The following CLCC1 variants were observed in gnomAD, a reference collection of about 807,000 sequenced individuals.
CLCC1 encodes the protein chloride channel CLIC-like protein 1.
CLCC1 carries 39 observed loss-of-function variants against 63.3 expected under a neutral mutation model. The ratio of observed to expected loss-of-function variants is 0.62; its 90% CI spans 0.48 to 0.81. CLCC1 has a LOEUF of 0.81. CLCC1 is among the 30% of genes least tolerant of loss of function. The probability of loss-of-function intolerance (pLI) is 0.00; values close to 1 mark genes in which losing one functional copy is unlikely to be tolerated. For missense variants in CLCC1, 549 were observed against 669.4 expected, an observed-to-expected ratio of 0.82 and a Z score of 1.98; for synonymous variants, 217 against 239.8, an observed-to-expected ratio of 0.90 and a Z score of 0.88.
Position 108,929,841 on chromosome 1 carries a change from A to C in CLCC1, c.*2706T>G, listed in dbSNP as rs777713306. ...ATGAACAGAGAGTTCTTTTACAAAG[A>C]GATCAAAACAGAGACACTGACTTTG... is the stretch of plus-strand genomic sequence containing the variant. On this transcript the variant is annotated 3_prime_UTR_variant, in exon 13 of 13. Transcript: ENST00000369969. The C allele has an allele frequency of 1.2e-6, 2 of 1,614,078 alleles. No homozygotes were observed. Among genetic ancestry groups the C allele is most frequent in the Admixed American group, 3.3e-5 (2 of 60,030 alleles).
At chr1:108,944,898 G>A (rs1654344466) in intron 5 of CLCC1, among the ~76,000 whole-genome samples, 1 of 152,182 alleles carries the variant, frequency 6.6e-6, no homozygotes, top group Non-Finnish European at 1.5e-5. Context: ...CAAAGTGCTG[G>A]GATTACAGGC....
In CLCC1 at chr1:108,929,989, C is replaced by CT. The variant is rs770379156; in HGVS notation, c.*2557dup. ...CTTTCAAACACGGTAAGGAAACAAT[C>CT]TATTACTTTTTTCCTTAAAAGGAGA... On this transcript the variant is annotated 3_prime_UTR_variant, in exon 13 of 13. Coordinates refer to ENST00000369969, the MANE Select transcript of CLCC1 (RefSeq NM_001377458.1). 1.3e-6 allele frequency: 2 copies of CT among 1,536,832 alleles called. No homozygotes were observed. Among genetic ancestry groups the CT allele is most frequent in the Non-Finnish European group, 1.8e-6 (2 of 1,115,688 alleles).
intron 6 of CLCC1, 29 bp from the exon 7 acceptor site, chr1:108,943,644 C>T (rs1336063916): frequency 6.2e-7 from 1 of 1,611,370 alleles, no homozygotes; most frequent in Middle Eastern, 1.7e-4. Flanking sequence ...AGAAATCAGC[C>T]ACCAAAAACA....
In CLCC1 at chr1:108,952,122, T is replaced by C. The variant is rs138820264; in HGVS notation, c.-11-1674A>G. ...GGTGGATTATATAGTATGTGATTTATAGCTCAATAAAGTCAATTTAAAAAC... is the reference window on the plus strand; with the variant it reads ...GGTGGATTATATAGTATGTGATTTACAGCTCAATAAAGTCAATTTAAAAAC... On this transcript the variant is annotated intron_variant, in intron 2 of 12. Transcript: ENST00000369969. 5.2e-4 allele frequency among the ~76,000 whole-genome samples: 79 copies of C among 151,880 alleles called. No individual in the cohort carries two copies. The East Asian group carries it at 0.011, about 21-fold the overall frequency.
At chr1:108,944,925 G>A (rs966838259) in intron 5 of CLCC1, among the ~76,000 whole-genome samples, 3 of 152,162 alleles carry the variant, frequency 2.0e-5, no homozygotes, top group Non-Finnish European at 2.9e-5. Context: ...CACTGCACCC[G>A]GCCTCACAGT....
intron 2 of CLCC1, among the ~76,000 whole-genome samples, chr1:108,953,075 T>G (rs961351233): frequency 1.3e-5 from 2 of 152,202 alleles, no homozygotes; most frequent in African/African-American, 4.8e-5. Flanking sequence ...ACAGAACATT[T>G]GAACATTTTT....
intron 4 of CLCC1, 141 bp from the exon 5 acceptor site, chr1:108,947,859 T>C (rs1439153826): frequency 3.3e-6 from 2 of 604,700 alleles, no homozygotes; most frequent in Non-Finnish European, 5.8e-6. Flanking sequence ...CTATAATACA[T>C]TACAGTGCAG....
chr1:108,961,284 T>TAAAAAAAAA (rs5776958), intron 2 of CLCC1, among the ~76,000 whole-genome samples: 2 of 133,948 alleles, frequency 1.5e-5, no homozygotes, highest in East Asian at 2.3e-4. Context: ...AAGAGTTTGT[T>TAAAAAAAAA]AAAAAAAAAA....
chr1:108,949,487 A>AG (rs1654931518), intron 4 of CLCC1, among the ~76,000 whole-genome samples: 1 of 152,230 alleles, frequency 6.6e-6, no homozygotes, highest in South Asian at 2.1e-4. Flanking sequence ...ACATTTGTTG[A>AG]GAGTTTACTA....
chr1:108,931,621 G>T lies in CLCC1; in HGVS notation c.*926C>A. 2.6e-6 allele frequency: 3 copies of T among 1,151,534 alleles called. No individual in the cohort carries two copies. Among genetic ancestry groups the T allele is most frequent in the South Asian group, 4.3e-5 (2 of 46,892 alleles). The allele number at this position is 1,151,534 out of a possible 1,614,324, so 71.3% of individuals were successfully genotyped here. On this transcript the variant is annotated 3_prime_UTR_variant, in exon 13 of 13. Transcript: ENST00000369969. ...TAACCTGGAATTAATTACATTAAGT[G>T]CTCAGCTAAAAAAAAAAAAAAAGTT...
rs994879891 is a variant in CLCC1 at position 108,943,706 on chromosome 1, A to G, written c.562-91T>C. 9.7e-6 allele frequency: 15 copies of G among 1,544,676 alleles called. No homozygotes were observed. In the Admixed American group the frequency reaches 2.2e-4, roughly 23 times the overall value. ...TCAAAAGCACAAAATCATTTCTACA[A>G]TTTTGTGGCTTGTTCATCAATACGG... On this transcript the variant is annotated intron_variant, in intron 6 of 12. Transcript: ENST00000369969.
intron 2 of CLCC1, among the ~76,000 whole-genome samples, chr1:108,958,994 A>G (rs1656284503): frequency 6.6e-6 from 1 of 151,132 alleles, no homozygotes; most frequent in Non-Finnish European, 1.5e-5. Context: ...ACCAACATGG[A>G]GAAATCCCAT....
rs199835606 is a variant in CLCC1, at chr1:108,941,789, G to A, written c.703-291C>T. 2.6e-5 allele frequency among the ~76,000 whole-genome samples: 4 copies of A among 152,092 alleles called. No homozygotes were observed. In the East Asian group the frequency reaches 5.8e-4, roughly 22 times the overall value. On this transcript the variant is annotated intron_variant, in intron 7 of 12. Transcript: ENST00000369969. Reference sequence around the variant, plus strand: ...CTGCCTCAGCTTCCCGAGTAGCTGGGATTAAAGGTGCCCGCTACCACGCCC... The same window carrying A: ...CTGCCTCAGCTTCCCGAGTAGCTGGAATTAAAGGTGCCCGCTACCACGCCC...
rs1404999813 is a variant in CLCC1, at chr1:108,943,821, C to T, written c.561+15G>A. On this transcript the variant is annotated intron_variant, in intron 6 of 12. Coordinates refer to ENST00000369969, the MANE Select transcript of CLCC1 (RefSeq NM_001377458.1). ...GAAACTTAATGACGTTGCCCTTGCC[C>T]TCATCCCATCTTACCATTAACACAT... 6 of 1,586,768 alleles carry T rather than the reference C, an allele frequency of 3.8e-6. No individual in the cohort carries two copies. Among genetic ancestry groups the T allele is most frequent in the South Asian group, 2.2e-5 (2 of 88,942 alleles).
At chr1:108,944,721 C>T (rs1252297519) in intron 5 of CLCC1, among the ~76,000 whole-genome samples, 1 of 151,980 alleles carries the variant, frequency 6.6e-6, no homozygotes, top group Non-Finnish European at 1.5e-5. Context: ...GCTCCACCTC[C>T]TGGGTTCACG....
At chr1:108,956,976 C>G (rs964143623) in intron 2 of CLCC1, among the ~76,000 whole-genome samples, 2 of 147,618 alleles carry the variant, frequency 1.4e-5, no homozygotes, top group African/African-American at 5.1e-5. Flanking sequence ...CCACTTGAGG[C>G]TTTTAAATAG....
At chr1:108,944,488 T>A (rs1457955522) in intron 5 of CLCC1, among the ~76,000 whole-genome samples, 1 of 151,580 alleles carries the variant, frequency 6.6e-6, no homozygotes, top group Non-Finnish European at 1.5e-5. Flanking sequence ...AAAATAATAA[T>A]AATATCCACC....
intron 5 of CLCC1, among the ~76,000 whole-genome samples, chr1:108,946,938 C>T (rs752726286): frequency 4.6e-5 from 7 of 152,010 alleles, no homozygotes; most frequent in African/African-American, 1.4e-4. Context: ...CCAAGGCAAG[C>T]GGATCACCTG....
intron 2 of CLCC1, among the ~76,000 whole-genome samples, chr1:108,959,211 A>G (rs1656317446): frequency 1.3e-5 from 2 of 152,102 alleles, no homozygotes; most frequent in African/African-American, 4.8e-5. Context: ...AAAATTAGCC[A>G]GGTATGGTGG....
Sources: gnomAD v4.1 joint callset for allele counts (sites outside exome capture counted in the v4.1 genomes callset) on GRCh38, gnomAD v4.1.1 for gene constraint, MANE v1.5 for transcripts, NCBI Gene and HGNC (gene_info 2026-07-23, HGNC 2026-07-21) for gene names.